The following FARS2 variants were observed in gnomAD, a reference collection of about 807,000 sequenced individuals.
The protein encoded by FARS2 is phenylalanyl-tRNA synthetase 2, mitochondrial.
In FARS2, 40 loss-of-function variants were observed where a neutral mutation model predicts 46.4. The ratio of observed to expected loss-of-function variants is 0.86; its 90% confidence interval spans 0.67 to 1.12. The LOEUF is 1.12. Among genes scored for constraint, FARS2 ranks in the 50% most tolerant of loss-of-function variants. The pLI is 0.00. For synonymous variants in FARS2, 234 were observed against 214.9 expected, an observed-to-expected ratio of 1.09 and a Z score of -0.78; for missense variants, 513 against 567.9, an observed-to-expected ratio of 0.90 and a Z score of 0.98.
intron 6 of FARS2, among the ~76,000 whole-genome samples, chr6:5,768,421 A>C (rs1762859001): frequency 6.6e-6 from 1 of 152,136 alleles, no homozygotes. Context: ...AGGAAAACAG[A>C]TTTTTCCCCA....
At chr6:5,436,564 G>A (rs1006702921) in intron 4 of FARS2, among the ~76,000 whole-genome samples, 2 of 152,198 alleles carry the variant, frequency 1.3e-5, no homozygotes, top group African/African-American at 4.8e-5. Flanking sequence ...AGATTATATC[G>A]TTAGAACATA....
chr6:5,591,547 C>T (rs1023564204), intron 5 of FARS2, among the ~76,000 whole-genome samples: 2 of 152,236 alleles, frequency 1.3e-5, no homozygotes, highest in Non-Finnish European at 2.9e-5. Context: ...CATGTCCACT[C>T]GGATGACCTG....
intron 4 of FARS2, among the ~76,000 whole-genome samples, chr6:5,536,310 C>A (rs555908378): frequency 6.6e-6 from 1 of 152,094 alleles, no homozygotes; most frequent in Non-Finnish European, 1.5e-5. Context: ...GGAATACAGG[C>A]GTGAGCCACC....
chr6:5,677,612 G>C (rs1209066545), intron 6 of FARS2, among the ~76,000 whole-genome samples: 1 of 152,214 alleles, frequency 6.6e-6, no homozygotes, highest in African/African-American at 2.4e-5. Flanking sequence ...AATTATCCTG[G>C]CTTCAATGAG....
At chr6:5,708,094 A>G (rs1365598574) in intron 6 of FARS2, among the ~76,000 whole-genome samples, 1 of 152,082 alleles carries the variant, frequency 6.6e-6, no homozygotes, top group East Asian at 1.9e-4. Context: ...GTGGGCCTCA[A>G]AGTCATGGTG....
intron 5 of FARS2, among the ~76,000 whole-genome samples, chr6:5,551,175 T>G (rs1276931932): frequency 6.6e-6 from 1 of 152,214 alleles, no homozygotes; most frequent in South Asian, 2.1e-4. Flanking sequence ...ATATCCAAGT[T>G]CATTGTTTAC....
chr6:5,355,626 G>A lies in FARS2; in HGVS notation c.-21-12924G>A, dbSNP rs562168444. 2.6e-5 allele frequency among the ~76,000 whole-genome samples: 4 copies of A among 151,952 alleles called. No homozygotes were observed. In the South Asian group the frequency reaches 8.3e-4, roughly 32 times the overall value. ...TACGCCTCGGCCTCCCAAAGTGCTGGGATTACAGGTGTGAGCCACCATGCC... is the reference window on the plus strand; with the variant it reads ...TACGCCTCGGCCTCCCAAAGTGCTGAGATTACAGGTGTGAGCCACCATGCC... On this transcript the variant is annotated intron_variant, in intron 1 of 6. Transcript: ENST00000274680.
At chr6:5,713,626 G>A (rs1360226425) in intron 6 of FARS2, among the ~76,000 whole-genome samples, 1 of 152,252 alleles carries the variant, frequency 6.6e-6, no homozygotes, top group Non-Finnish European at 1.5e-5. Flanking sequence ...GGATTGCTTT[G>A]CTAATCCTGG....
At chr6:5,598,770 G>A (rs559868891) in intron 5 of FARS2, among the ~76,000 whole-genome samples, 1 of 152,180 alleles carries the variant, frequency 6.6e-6, no homozygotes, top group Non-Finnish European at 1.5e-5. Context: ...GGACATGGGG[G>A]TAGGGGTAGG....
intron 1 of FARS2, among the ~76,000 whole-genome samples, chr6:5,303,759 T>C (rs1230571832): frequency 2.6e-5 from 4 of 152,010 alleles, no homozygotes; most frequent in East Asian, 1.9e-4. Context: ...TACAGCCCCA[T>C]GTGACCTCAA....
At position 5,678,407 on chromosome 6, in the gene FARS2, C is replaced by T. The variant is rs559909186; in HGVS notation, c.1217+65087C>T. On this transcript the variant is annotated intron_variant, in intron 6 of 6. Transcript: ENST00000274680. ...AATCTGAGCTGGTGCCTTGAGGAGACGCTTTGGCCTCCTGGAAGAGGGTAC... is the reference window on the plus strand; with the variant it reads ...AATCTGAGCTGGTGCCTTGAGGAGATGCTTTGGCCTCCTGGAAGAGGGTAC... Among the ~76,000 whole-genome samples the T allele has an allele frequency of 2.0e-5, 3 of 152,230 alleles. No individual in the cohort carries two copies. In the East Asian group the frequency reaches 5.8e-4, roughly 29 times the overall value.
chr6:5,600,626 A>C (rs1288655235), intron 5 of FARS2, among the ~76,000 whole-genome samples: 1 of 152,240 alleles, frequency 6.6e-6, no homozygotes, highest in Admixed American at 6.5e-5. Context: ...CTGATAGTGC[A>C]TGCTATTTTT....
At chr6:5,441,671 A>G (rs1272372998) in intron 4 of FARS2, among the ~76,000 whole-genome samples, 1 of 152,156 alleles carries the variant, frequency 6.6e-6, no homozygotes, top group Non-Finnish European at 1.5e-5. Context: ...TTGCTTGGTT[A>G]CGATTTTCTT....
intron 4 of FARS2, among the ~76,000 whole-genome samples, chr6:5,443,549 T>C (rs1296944945): frequency 6.6e-6 from 1 of 152,234 alleles, no homozygotes; most frequent in Non-Finnish European, 1.5e-5. Context: ...TTTGCCCTTT[T>C]TAGCTTCTGC....
intron 6 of FARS2, among the ~76,000 whole-genome samples, chr6:5,644,219 CT>C (rs560871477): frequency 1.3e-5 from 2 of 150,900 alleles, no homozygotes; most frequent in African/African-American, 4.9e-5. Flanking sequence ...TTTTCTTTTG[CT>C]TTTTTTTTCT....
rs1270173250 is a variant in FARS2, at chr6:5,404,555, T to C, written c.626T>C (p.Ile209Thr). The C allele has an allele frequency of 3.7e-6, 6 of 1,600,254 alleles. No homozygotes were observed. The highest frequency in any genetic ancestry group is 5.1e-6 in the Non-Finnish European group (6 of 1,172,610). Residue 209 changes from isoleucine to threonine, a missense_variant, in exon 3 of 7, where the codon ATA becomes ACA. Ile to Thr is a moderately conservative substitution (Grantham distance 89). Coordinates refer to ENST00000274680, the MANE Select transcript of FARS2 (RefSeq NM_006567.5). ...GTTGGTTTACAGTTATTTGCTGGTA[T>C]AAAGGATGGAGAAAGCCTGCAGCTC... ...LFSKHELFAG[I>T]KDGESLQLFE...
chr6:5,652,579 A>G (rs1309461696), intron 6 of FARS2, among the ~76,000 whole-genome samples: 1 of 152,246 alleles, frequency 6.6e-6, no homozygotes, highest in African/African-American at 2.4e-5. Context: ...CACCTCTCTC[A>G]GAATGGCCCG....
At chr6:5,466,446 C>A in intron 4 of FARS2, 1 of 832,432 alleles carries the variant, frequency 1.2e-6, no homozygotes, top group South Asian at 5.5e-5. Flanking sequence ...ATGTCTTAGT[C>A]AGCTCTATAT....
chr6:5,653,828 A>G, intron 6 of FARS2, among the ~76,000 whole-genome samples: 1 of 152,012 alleles, frequency 6.6e-6, no homozygotes, highest in East Asian at 1.9e-4. Flanking sequence ...AGGGAAGAGA[A>G]TAGTGGAGAA....
Sources: allele counts gnomAD v4.1 joint callset (sites outside exome capture counted in the v4.1 genomes callset), GRCh38; gene constraint gnomAD v4.1.1; transcripts MANE v1.5; gene names NCBI Gene and HGNC (gene_info 2026-07-23, HGNC 2026-07-21).